The following WWOX variants were observed in gnomAD, a reference collection of about 807,000 sequenced individuals.
WWOX encodes the protein WW domain containing oxidoreductase, also known as WW domain-containing oxidoreductase.
In WWOX, 69 loss-of-function variants were observed where a neutral mutation model predicts 46.2. The ratio of observed to expected loss-of-function variants is 1.49; its 90% CI spans 1.23 to 1.82. The LOEUF is 1.82. WWOX is among the 40% of genes most tolerant of loss of function. WWOX has a pLI of 0.00. For missense variants in WWOX, 919 were observed against 542.6 expected, an observed-to-expected ratio of 1.69 and a Z score of -6.89; for synonymous variants, 359 against 202.6, an observed-to-expected ratio of 1.77 and a Z score of -6.56.
At chr16:78,369,012 C>A (rs1408926955) in intron 5 of WWOX, among the ~76,000 whole-genome samples, 1 of 152,076 alleles carries the variant, frequency 6.6e-6, no homozygotes, top group Non-Finnish European at 1.5e-5. Flanking sequence ...CTTATCTAAT[C>A]CCCTTCCTTC....
rs1295830163 is a variant in WWOX, at chr16:78,356,881, C to CA, written c.517-29973dup. Among the ~76,000 whole-genome samples the CA allele has an allele frequency of 2.0e-5, 3 of 152,034 alleles. No homozygotes were observed. In the East Asian group the frequency reaches 5.8e-4, roughly 29 times the overall value. Reference sequence around the variant, plus strand: ...TGGCAGACAGAGTGAGACTCCATCTCAAAAAACAAACAAAAAAAAGTTCCA... The same window carrying CA: ...TGGCAGACAGAGTGAGACTCCATCTCAAAAAAACAAACAAAAAAAAGTTCCA... On this transcript the variant is annotated intron_variant, in intron 5 of 8. Coordinates refer to ENST00000566780, the MANE Select transcript of WWOX (RefSeq NM_016373.4).
intron 5 of WWOX, among the ~76,000 whole-genome samples, chr16:78,266,450 C>T (rs1322255733): frequency 1.3e-5 from 2 of 152,096 alleles, no homozygotes; most frequent in Non-Finnish European, 2.9e-5. Flanking sequence ...CTGCTCCTTT[C>T]CAGAAAGCTT....
intron 8 of WWOX, among the ~76,000 whole-genome samples, chr16:78,667,612 A>C (rs1277482161): frequency 6.8e-6 from 1 of 147,134 alleles, no homozygotes; most frequent in African/African-American, 2.5e-5. Flanking sequence ...CAGAGGTAGC[A>C]GTGAGCCAAG....
chr16:78,297,909 T>A (rs1463903450), intron 5 of WWOX, among the ~76,000 whole-genome samples: 1 of 152,160 alleles, frequency 6.6e-6, no homozygotes, highest in African/African-American at 2.4e-5. Flanking sequence ...AATCTCATCT[T>A]GAATTCTAAT....
Position 78,724,691 on chromosome 16 carries a change from C to T in WWOX, c.1056+291939C>T, listed in dbSNP as rs76651502. The stretch of plus-strand genomic sequence containing the variant: ...GTTTACATCAAAATCAGCTCGTCAC[C>T]CTTGAGATTGAAGCTCGCACTCTGT... On this transcript the variant is annotated intron_variant, in intron 8 of 8. Transcript: ENST00000566780. 4.2e-4 allele frequency among the ~76,000 whole-genome samples: 64 copies of T among 152,204 alleles called. No homozygotes were observed. The East Asian group carries it at 8.7e-3, about 21-fold the overall frequency.
intron 1 of WWOX, among the ~76,000 whole-genome samples, chr16:78,104,580 C>A (rs1402226502): frequency 2.0e-5 from 3 of 152,082 alleles, no homozygotes; most frequent in Admixed American, 6.6e-5. Flanking sequence ...AAATTTGAAT[C>A]CTTTGGTTTA....
intron 8 of WWOX, among the ~76,000 whole-genome samples, chr16:79,179,272 T>A (rs772177496): frequency 6.6e-6 from 1 of 152,206 alleles, no homozygotes; most frequent in East Asian, 1.9e-4. Context: ...GGGTGGTGAA[T>A]GAACATAAAA....
At chr16:78,819,036 A>C (rs1027201641) in intron 8 of WWOX, among the ~76,000 whole-genome samples, 4 of 152,158 alleles carry the variant, frequency 2.6e-5, no homozygotes. Flanking sequence ...AATTAAATGG[A>C]AACGATAACG....
chr16:78,420,523 C>G (rs914229305), intron 6 of WWOX, among the ~76,000 whole-genome samples: 3 of 152,198 alleles, frequency 2.0e-5, no homozygotes, highest in African/African-American at 7.2e-5. Context: ...TCACAAAAGA[C>G]TACGTATTGT....
At chr16:79,050,960 G>C (rs113535183) in intron 8 of WWOX, among the ~76,000 whole-genome samples, 1 of 152,220 alleles carries the variant, frequency 6.6e-6, no homozygotes, top group Non-Finnish European at 1.5e-5. Flanking sequence ...CAGATTAGCA[G>C]CCTTGAGTGC....
At chr16:78,816,412 T>G (rs951328757) in intron 8 of WWOX, among the ~76,000 whole-genome samples, 4 of 152,092 alleles carry the variant, frequency 2.6e-5, no homozygotes, top group Non-Finnish European at 4.4e-5. Flanking sequence ...GCAAGTGTGT[T>G]TAATGTGAAA....
At chr16:78,858,136 T>TTGTGAGTTTG (rs1555551271) in intron 8 of WWOX, among the ~76,000 whole-genome samples, 1 of 79,002 alleles carries the variant, frequency 1.3e-5, no homozygotes, top group Non-Finnish European at 2.9e-5. Context: ...TATACATACA[T>TTGTGAGTTTG]TGTGTGTTTG....
chr16:78,675,515 C>G (rs1018825952), intron 8 of WWOX, among the ~76,000 whole-genome samples: 3 of 152,178 alleles, frequency 2.0e-5, no homozygotes, highest in African/African-American at 7.2e-5. Flanking sequence ...ACTAGTGACT[C>G]ATTTAACCAT....
At chr16:78,746,754 A>G (rs888270187) in intron 8 of WWOX, among the ~76,000 whole-genome samples, 1 of 152,042 alleles carries the variant, frequency 6.6e-6, no homozygotes, top group African/African-American at 2.4e-5. Context: ...CCTGAATCTG[A>G]CTTATACCCT....
At position 78,125,755 on chromosome 16, in the gene WWOX, A is replaced by T. The variant is rs190656537; in HGVS notation, c.409+10601A>T. Among the ~76,000 whole-genome samples, 3 of 152,292 alleles carry T rather than the reference A, an allele frequency of 2.0e-5. No homozygotes were observed. In the East Asian group the frequency reaches 5.8e-4, roughly 29 times the overall value. On this transcript the variant is annotated intron_variant, in intron 4 of 8. Coordinates refer to ENST00000566780, the MANE Select transcript of WWOX (RefSeq NM_016373.4). ...TCTTTACCAAAACCACTTTGGTATTATGATTGTAAAACAAACATTAAGGAA... is the reference window on the plus strand; with the variant it reads ...TCTTTACCAAAACCACTTTGGTATTTTGATTGTAAAACAAACATTAAGGAA...
At chr16:78,372,016 G>GT (rs2081701859) in intron 5 of WWOX, among the ~76,000 whole-genome samples, 1 of 152,102 alleles carries the variant, frequency 6.6e-6, no homozygotes, top group Non-Finnish European at 1.5e-5. Flanking sequence ...TTGAAGAAGT[G>GT]TACCTCCCTT....
chr16:78,754,573 A>G (rs1007203397), intron 8 of WWOX, among the ~76,000 whole-genome samples: 6 of 152,022 alleles, frequency 3.9e-5, no homozygotes, highest in Non-Finnish European at 8.8e-5. Context: ...ATAAAAATTC[A>G]TTTTCTCATT....
chr16:78,438,830 C>T (rs552146822), intron 8 of WWOX, among the ~76,000 whole-genome samples: 2 of 152,128 alleles, frequency 1.3e-5, no homozygotes, highest in East Asian at 3.9e-4. Context: ...GATGGGCCGG[C>T]AATGCTGGTC....
chr16:78,894,273 A>C (rs72804732), intron 8 of WWOX, among the ~76,000 whole-genome samples: 19,966 of 152,028 alleles, frequency 0.13, 1,654 homozygotes, highest in East Asian at 0.23. Context: ...ACACATACAC[A>C]CACATCTAAT....
Sources: allele counts gnomAD v4.1 joint callset (sites outside exome capture counted in the v4.1 genomes callset), GRCh38; gene constraint gnomAD v4.1.1; transcripts MANE v1.5; gene names NCBI Gene and HGNC (gene_info 2026-07-23, HGNC 2026-07-21).